ATG10: variants seen among roughly 807,000 people sequenced by gnomAD.
ATG10 encodes the protein ubiquitin-like-conjugating enzyme ATG10.
In ATG10, 30 loss-of-function variants were observed where a neutral mutation model predicts 32.1. That is an observed-to-expected ratio of 0.94 (90% CI 0.70 to 1.27). The LOEUF is 1.27. ATG10 is among the 50% of genes most tolerant of loss of function. ATG10 has a pLI of 0.00. For synonymous variants in ATG10, 87 were observed against 91.5 expected (o/e 0.95, Z 0.28); for missense variants, 233 against 262.3 (o/e 0.89, Z 0.77).
chr5:82,238,356 C>G (rs1239083212), intron 5 of ATG10, among the ~76,000 whole-genome samples: 2 of 148,498 alleles, frequency 1.3e-5, no homozygotes, highest in African/African-American at 2.5e-5. Flanking sequence ...CACCCGACCC[C>G]TAACCACTGC....
At chr5:82,206,490 A>G (rs1406614693) in intron 5 of ATG10, among the ~76,000 whole-genome samples, 1 of 152,004 alleles carries the variant, frequency 6.6e-6, no homozygotes, top group Middle Eastern at 3.2e-3. Context: ...TACTTAAAAA[A>G]ATACAAAAAA....
chr5:82,104,040 A>G (rs966737230), intron 3 of ATG10, among the ~76,000 whole-genome samples: 32 of 152,024 alleles, frequency 2.1e-4, no homozygotes, highest in Non-Finnish European at 4.4e-5. Flanking sequence ...TGCTTGTTGT[A>G]TCTAGTTCCA....
At chr5:82,159,014 G>A (rs1410395024) in intron 3 of ATG10, among the ~76,000 whole-genome samples, 1 of 152,134 alleles carries the variant, frequency 6.6e-6, no homozygotes, top group Non-Finnish European at 1.5e-5. Context: ...AATTTATAAT[G>A]AGCACAGTAA....
rs1766582505 is a variant in ATG10 at position 82,132,540 on chromosome 5, T to C, written c.217-31859T>C. ...AGTTCTTGTGTTAATTTGGTGAGAA[T>C]GATGGTTTCCAGCTTCATCCATGTC... On this transcript the variant is annotated intron_variant, in intron 3 of 7. Transcript: ENST00000282185. Among the ~76,000 whole-genome samples, 6 of 152,066 alleles carry C rather than the reference T, an allele frequency of 3.9e-5. No individual in the cohort carries two copies. In the South Asian group the frequency reaches 1.2e-3, roughly 32 times the overall value.
At chr5:82,002,376 G>A (rs564579837) in intron 2 of ATG10, among the ~76,000 whole-genome samples, 6 of 152,160 alleles carry the variant, frequency 3.9e-5, no homozygotes, top group Admixed American at 3.9e-4. Context: ...CACAATAACA[G>A]AGACATAGAA....
intron 5 of ATG10, among the ~76,000 whole-genome samples, chr5:82,197,914 C>T (rs1744929183): frequency 2.0e-5 from 3 of 152,174 alleles, no homozygotes; most frequent in African/African-American, 7.2e-5. Context: ...GTAAGAAGTC[C>T]ATTTCTTGAT....
intron 3 of ATG10, among the ~76,000 whole-genome samples, chr5:82,079,570 G>C (rs1313150254): frequency 2.0e-5 from 3 of 151,760 alleles, no homozygotes; most frequent in African/African-American, 7.3e-5. Flanking sequence ...CTGTGTCCAA[G>C]TGTTCTCATT....
At chr5:82,169,303 G>A (rs1743711238) in intron 4 of ATG10, among the ~76,000 whole-genome samples, 1 of 150,996 alleles carries the variant, frequency 6.6e-6, no homozygotes, top group African/African-American at 2.4e-5. Context: ...GGAATTGAAG[G>A]GTGAGAGTGA....
chr5:82,113,148 A>G (rs1394630236), intron 3 of ATG10, among the ~76,000 whole-genome samples: 1 of 151,874 alleles, frequency 6.6e-6, no homozygotes, highest in African/African-American at 2.4e-5. Context: ...ATTGCAATCC[A>G]TATGTGTGCT....
At chr5:82,224,785 C>T (rs1746054847) in intron 5 of ATG10, among the ~76,000 whole-genome samples, 1 of 152,172 alleles carries the variant, frequency 6.6e-6, no homozygotes, top group Non-Finnish European at 1.5e-5. Flanking sequence ...AGAAATCCAT[C>T]AGTCAACATT....
chr5:82,105,957 T>C (rs1011413585), intron 3 of ATG10, among the ~76,000 whole-genome samples: 3 of 152,172 alleles, frequency 2.0e-5, no homozygotes, highest in East Asian at 3.8e-4. Flanking sequence ...TTTTAGTGTC[T>C]AAAAATTAAG....
intron 5 of ATG10, among the ~76,000 whole-genome samples, chr5:82,202,966 T>A (rs1745128144): frequency 6.6e-6 from 1 of 152,088 alleles, no homozygotes; most frequent in Admixed American, 6.5e-5. Flanking sequence ...TGGTGGCTCA[T>A]GCCTGTAATC....
intron 2 of ATG10, among the ~76,000 whole-genome samples, chr5:82,026,524 T>C (rs1287995869): frequency 1.3e-5 from 2 of 152,224 alleles, no homozygotes; most frequent in African/African-American, 4.8e-5. Context: ...TTTTTATTGC[T>C]TTTATTACCA....
At chr5:82,148,689 T>C (rs1453918553) in intron 3 of ATG10, among the ~76,000 whole-genome samples, 1 of 152,166 alleles carries the variant, frequency 6.6e-6, no homozygotes, top group Non-Finnish European at 1.5e-5. Flanking sequence ...CAATTCTGCA[T>C]TTTCTTCCAA....
At chr5:82,222,911 T>C (rs904266140) in intron 5 of ATG10, among the ~76,000 whole-genome samples, 3 of 152,252 alleles carry the variant, frequency 2.0e-5, no homozygotes, top group South Asian at 4.1e-4. Context: ...ACCCGTGATA[T>C]AGTCCTAAGA....
At chr5:82,246,557 T>A (rs763993057) in intron 5 of ATG10, among the ~76,000 whole-genome samples, 1 of 151,736 alleles carries the variant, frequency 6.6e-6, no homozygotes. Context: ...AAAAATTATT[T>A]AAAAAATAAA....
rs542827848 is a variant in ATG10 at position 82,085,049 on chromosome 5, G to A, written c.216+26447G>A. ...GACACAGACTGGCAAATTGGATAAA[G>A]AATCAAGACCCATTAGTGTGCTGTA... On this transcript the variant is annotated intron_variant, in intron 3 of 7. Transcript: ENST00000282185. 2.6e-5 allele frequency among the ~76,000 whole-genome samples: 4 copies of A among 152,228 alleles called. No individual in the cohort carries two copies. In the South Asian group the frequency reaches 6.2e-4, roughly 24 times the overall value.
intron 3 of ATG10, among the ~76,000 whole-genome samples, chr5:82,077,969 G>C (rs1427289840): frequency 6.6e-6 from 1 of 152,204 alleles, no homozygotes; most frequent in Non-Finnish European, 1.5e-5. Flanking sequence ...TTATTAGGGA[G>C]TAAGGTCTTA....
chr5:81,987,734 G>A (rs1388469274), intron 2 of ATG10, 56 bp downstream of exon 2: 2 of 1,408,508 alleles, frequency 1.4e-6, no homozygotes, highest in East Asian at 2.3e-5. Flanking sequence ...GTTTTGTTTT[G>A]TTTTGGTTTG....
Sources: allele counts gnomAD v4.1 joint callset (sites outside exome capture counted in the v4.1 genomes callset), GRCh38; gene constraint gnomAD v4.1.1; transcripts MANE v1.5; gene names NCBI Gene and HGNC (gene_info 2026-07-23, HGNC 2026-07-21).